CUX2: variants seen among roughly 807,000 people sequenced by gnomAD.
CUX2 encodes the protein homeobox protein cut-like 2.
In CUX2, 40 loss-of-function variants were observed where a neutral mutation model predicts 144.8. The ratio of observed to expected loss-of-function variants is 0.28; its 90% CI spans 0.21 to 0.36. The LOEUF (loss-of-function observed/expected upper bound fraction) is 0.36. Among genes scored for constraint, CUX2 ranks in the 10% least tolerant of loss-of-function variants. The pLI is 1.00. For synonymous variants in CUX2, 827 were observed against 875.6 expected (o/e 0.94, Z 0.98); for missense variants, 1,615 against 1,994.0 (o/e 0.81, Z 3.62).
chr12:111,062,493 C>T (rs1255914633), intron 1 of CUX2, among the ~76,000 whole-genome samples: 2 of 152,238 alleles, frequency 1.3e-5, no homozygotes, highest in Admixed American at 6.5e-5. Context: ...ACGGCTCGAG[C>T]GAGGGGAGTC....
chr12:111,329,267 T>C (rs1887981506), intron 18 of CUX2, among the ~76,000 whole-genome samples: 1 of 151,356 alleles, frequency 6.6e-6, no homozygotes, highest in East Asian at 2.0e-4. Flanking sequence ...CACAGCCCTG[T>C]CTGGCACCCC....
At position 111,320,430 on chromosome 12, in the gene CUX2, G is replaced by GTCC. The variant is rs748878290; in HGVS notation, c.2436_2438dup (p.Ser813dup). On this transcript the variant is annotated inframe_insertion, in exon 17 of 22. Coordinates refer to ENST00000261726, the MANE Select transcript of CUX2 (RefSeq NM_015267.4). The surrounding 1 kb of genome is among the most constrained non-coding windows in gnomAD (Gnocchi z 8.1). ...CCTACGCCTCCGTGTCGCCCTCGCT[G>GTCC]TCCTCCTCCTCCTCCTCTGGCTACT... The GTCC allele has an allele frequency of 3.1e-6, 5 of 1,596,650 alleles. No individual in the cohort carries two copies. Among genetic ancestry groups the GTCC allele is most frequent in the East Asian group, 2.2e-5 (1 of 44,798 alleles).
chr12:111,126,982 T>C (rs1268311360), intron 1 of CUX2, among the ~76,000 whole-genome samples: 1 of 152,244 alleles, frequency 6.6e-6, no homozygotes, highest in Non-Finnish European at 1.5e-5. Context: ...CTTGATACCC[T>C]ACAGCTTAAA....
chr12:111,060,723 C>T (rs1329487152), intron 1 of CUX2, among the ~76,000 whole-genome samples: 1 of 152,168 alleles, frequency 6.6e-6, no homozygotes, highest in African/African-American at 2.4e-5. Context: ...AGGCCCAGCC[C>T]GGCCCAGCCT....
chr12:111,075,949 C>T (rs576408015), intron 1 of CUX2, among the ~76,000 whole-genome samples: 1 of 152,186 alleles, frequency 6.6e-6, no homozygotes, highest in Non-Finnish European at 1.5e-5. Flanking sequence ...TGGCCGGGAA[C>T]TGTGCTAAGT....
chr12:111,191,689 A>G (rs1879900773), intron 1 of CUX2, among the ~76,000 whole-genome samples: 1 of 152,050 alleles, frequency 6.6e-6, no homozygotes, highest in African/African-American at 2.4e-5. Flanking sequence ...GCCTTCTCCC[A>G]TCTCATACCT....
Position 111,035,753 on chromosome 12 carries a change from C to T in CUX2, c.63+1513C>T, listed in dbSNP as rs1279607253. 6.6e-6 allele frequency among the ~76,000 whole-genome samples: 1 copy of T among 152,042 alleles called. No homozygotes were observed. The highest frequency in any genetic ancestry group is 2.1e-4 in the South Asian group (1 of 4,816). On this transcript the variant is annotated intron_variant, in intron 1 of 21. Coordinates refer to ENST00000261726, the MANE Select transcript of CUX2 (RefSeq NM_015267.4). This position sits in a 1 kb window ranked among gnomAD's most constrained non-coding sequence, Gnocchi z 6.0. The stretch of plus-strand genomic sequence containing the variant: ...ACGCCCCACTCCTCGCTCTCCCCCT[C>T]CCCCAAAGCCATTGAGCTGGGGAGA...
chr12:111,295,289 G>T lies in CUX2; in HGVS notation c.561-44G>T. 6.3e-7 allele frequency: 1 copy of T among 1,599,520 alleles called. No individual in the cohort carries two copies. The highest frequency in any genetic ancestry group is 8.5e-7 in the Non-Finnish European group (1 of 1,172,792). ...GCTCGACTCGGGGGCCCCAGGCAAG[G>T]CCTGTCCCTGCAGCCAGCACAAGCA... On this transcript the variant is annotated intron_variant, in intron 6 of 21. Transcript: ENST00000261726. This position sits in a 1 kb window ranked among gnomAD's most constrained non-coding sequence, Gnocchi z 5.0.
Position 111,347,977 on chromosome 12 carries a change from G to A in CUX2, c.4113G>A (p.Glu1371=). The change falls in exon 22 of 22, where the codon GAG becomes GAA. Residue 1371 remains glutamate (E), a synonymous_variant. Transcript: ENST00000261726. ...LHPQQESEAG[E]RLHPDPLSFK... ...CCCAACAGGAGAGTGAGGCCGGGGA[G>A]CGACTTCACCCGGACCCTTTAAGTT... is the stretch of plus-strand genomic sequence containing the variant. 6.2e-7 allele frequency: 1 copy of A among 1,614,132 alleles called. No individual in the cohort carries two copies. The highest frequency in any genetic ancestry group is 8.5e-7 in the Non-Finnish European group (1 of 1,180,012).
At chr12:111,044,377 C>T (rs545266474) in intron 1 of CUX2, among the ~76,000 whole-genome samples, 13 of 152,142 alleles carry the variant, frequency 8.5e-5, no homozygotes, top group South Asian at 8.3e-4. Flanking sequence ...ATCCCCCTCC[C>T]GTCCCCTGTC....
chr12:111,214,263 A>C lies in CUX2; in HGVS notation c.127A>C (p.Lys43Gln). 1 of 1,610,638 alleles carries C rather than the reference A, an allele frequency of 6.2e-7. No homozygotes were observed. The highest frequency in any genetic ancestry group is 8.5e-7 in the Non-Finnish European group (1 of 1,178,756). Reference sequence around the variant, plus strand: ...GCAGGAGGAGAGTGAACATTCTCATAAACATTTAATTGAACTCCGCCGGGA... The same window carrying C: ...GCAGGAGGAGAGTGAACATTCTCATCAACATTTAATTGAACTCCGCCGGGA... ...ARQEESEHSHKHLIELRREFK... is the reference protein window; with the variant it reads ...ARQEESEHSHQHLIELRREFK... Residue 43 changes from lysine (K) to glutamine (Q), a missense_variant, in exon 2 of 22, where the codon AAA (lysine) becomes CAA (glutamine). Physicochemically the swap from Lys to Gln is moderately conservative, Grantham distance 53. This residue lies in a region of CUX2 where 64 missense variants were observed against 64.9 expected (regional missense o/e 0.99). Transcript: ENST00000261726.
intron 4 of CUX2, among the ~76,000 whole-genome samples, chr12:111,284,963 C>T (rs1480354029): frequency 6.6e-6 from 1 of 152,172 alleles, no homozygotes; most frequent in East Asian, 1.9e-4. Flanking sequence ...TGCTTCCTGG[C>T]CAGGCTGCCC....
At chr12:111,318,246 T>A (rs1199565063) in intron 16 of CUX2, among the ~76,000 whole-genome samples, 2 of 68,858 alleles carry the variant, frequency 2.9e-5, no homozygotes, top group Admixed American at 2.8e-4. Flanking sequence ...TTCTTTTTTC[T>A]TTTTTTTTTT....
At chr12:111,100,396 A>C (rs919335315) in intron 1 of CUX2, among the ~76,000 whole-genome samples, 5 of 151,702 alleles carry the variant, frequency 3.3e-5, no homozygotes, top group Non-Finnish European at 7.4e-5. Context: ...GTGTGCACTC[A>C]TGAGTTGTGT....
At chr12:111,207,345 C>A (rs568980773) in intron 1 of CUX2, among the ~76,000 whole-genome samples, 1 of 152,340 alleles carries the variant, frequency 6.6e-6, no homozygotes, top group African/African-American at 2.4e-5. Context: ...CCAAGCTTGT[C>A]TGGTTTCTGA....
intron 1 of CUX2, among the ~76,000 whole-genome samples, chr12:111,155,272 C>G (rs556391231): frequency 1.3e-5 from 2 of 152,054 alleles, no homozygotes; most frequent in African/African-American, 4.8e-5. Context: ...AAAAGGGTCT[C>G]TAGTTCATAC....
chr12:111,336,232 C>A (rs1888342745), intron 19 of CUX2, among the ~76,000 whole-genome samples: 1 of 152,168 alleles, frequency 6.6e-6, no homozygotes, highest in Admixed American at 6.6e-5. Context: ...ACACAAATTC[C>A]TCTGAGTCTT....
chr12:111,214,615 A>G (rs1330429811), intron 2 of CUX2, among the ~76,000 whole-genome samples: 4 of 152,112 alleles, frequency 2.6e-5, no homozygotes, highest in African/African-American at 9.7e-5. Context: ...GGCAAAGACA[A>G]TGTGCCTTAG....
intron 21 of CUX2, among the ~76,000 whole-genome samples, chr12:111,343,809 G>A (rs888852418): frequency 6.6e-6 from 1 of 152,084 alleles, no homozygotes; most frequent in African/African-American, 2.4e-5. Flanking sequence ...ACCTGTAATC[G>A]CAGCACTTTG....
Sources: allele counts gnomAD v4.1 joint callset (sites outside exome capture counted in the v4.1 genomes callset), GRCh38; gene constraint gnomAD v4.1.1; regional missense constraint gnomAD v4.1.1; non-coding constraint Gnocchi (gnomAD v3.1); transcripts MANE v1.5; gene names NCBI Gene and HGNC (gene_info 2026-07-23, HGNC 2026-07-21).